Variants in AMACR observed in about 807,000 individuals in gnomAD.
AMACR encodes alpha-methylacyl-CoA racemase, also known as 2-methylacyl-CoA racemase.
A neutral mutation model predicts 22.2 loss-of-function variants in AMACR; 18 were observed. The ratio of observed to expected loss-of-function variants is 0.81; its 90% CI spans 0.56 to 1.20. The LOEUF (loss-of-function observed/expected upper bound fraction) is 1.20, where lower values mean the gene tolerates loss of function less well. Among genes scored for constraint, AMACR ranks in the 50% most tolerant of loss-of-function variants. The pLI is 0.00. For synonymous variants in AMACR, 213 were observed against 191.3 expected, an observed-to-expected ratio of 1.11 and a Z score of -0.94; for missense variants, 499 against 490.6, an observed-to-expected ratio of 1.02 and a Z score of -0.16.
At chr5:33,993,427 T>C (rs1753542798) in intron 4 of AMACR, among the ~76,000 whole-genome samples, 2 of 152,156 alleles carry the variant, frequency 1.3e-5, no homozygotes, top group Non-Finnish European at 1.5e-5. Flanking sequence ...TCCAATTCTT[T>C]TGGTTATATA....
Position 34,007,801 on chromosome 5 carries a change from C to G in AMACR, c.219G>C (p.Ser73=). The change falls in exon 1 of 5, where the codon TCG becomes TCC. Residue 73 remains serine, a synonymous_variant. Coordinates refer to ENST00000335606, the MANE Select transcript of AMACR (RefSeq NM_014324.6). ...GGCGGAAGGGCTCCAGCAGCACATC[C>G]GACCGCTTGCACAGACGCCGCAGCA... The part of the protein sequence containing the change: ...AAVLRRLCKR[S]DVLLEPFRRG... The G allele has an allele frequency of 3.8e-6, 6 of 1,571,788 alleles. No homozygotes were observed. The highest frequency in any genetic ancestry group is 3.4e-6 in the Non-Finnish European group (4 of 1,163,696).
chr5:33,988,249 T>C lies in AMACR; in HGVS notation c.*844A>G. The stretch of plus-strand genomic sequence containing the variant: ...TGTCAAAGACAGGTATAAGAAAGGC[T>C]TGTAACTTAACTCAGTCCAAGGAGA... On this transcript the variant is annotated 3_prime_UTR_variant, in exon 5 of 5. Coordinates refer to ENST00000335606, the MANE Select transcript of AMACR (RefSeq NM_014324.6). The C allele has an allele frequency of 7.0e-7, 1 of 1,421,204 alleles. No homozygotes were observed. The allele number at this position is 1,421,204 out of a possible 1,614,324, so 88.0% of individuals were successfully genotyped here.
rs1286303388 is a variant in AMACR, at chr5:33,988,477, T to G, written c.*616A>C. 1.3e-6 allele frequency: 2 copies of G among 1,485,924 alleles called. No individual in the cohort carries two copies. The highest frequency in any genetic ancestry group is 4.6e-5 in the Admixed American group (2 of 43,758). The allele number at this position is 1,485,924 out of a possible 1,614,324, so 92.0% of individuals were successfully genotyped here. ...CCTAAAACTGACTGTCCCTCTGGACTCTACGTAGTGAGCCAACACATTTCC... is the reference window on the plus strand; with the variant it reads ...CCTAAAACTGACTGTCCCTCTGGACGCTACGTAGTGAGCCAACACATTTCC... On this transcript the variant is annotated 3_prime_UTR_variant, in exon 5 of 5. Transcript: ENST00000335606.
chr5:34,005,672 C>T, intron 2 of AMACR, 84 bp downstream of exon 2: 1 of 1,522,318 alleles, frequency 6.6e-7, no homozygotes, highest in Non-Finnish European at 8.9e-7. Flanking sequence ...AAATTTTTAC[C>T]TTTACAAATT....
At position 34,005,782 on chromosome 5, in the gene AMACR, T is replaced by G. The variant is rs1208442579; in HGVS notation, c.365A>C (p.His122Pro). Residue 122 changes from histidine (H) to proline (P), a missense_variant, in exon 2 of 5, where the codon CAC becomes CCC. His to Pro is a moderately conservative substitution (Grantham distance 77, BLOSUM62 -2). Transcript: ENST00000335606. ...TGACAAAGCCAAATAGTTGATATCG[T>G]GGCCAGCTAACCGGCAGAAGCTTCC... is the stretch of plus-strand genomic sequence containing the variant. ...QSGSFCRLAG[H>P]DINYLALSGV... 1 of 1,614,176 alleles carries G rather than the reference T, an allele frequency of 6.2e-7. No individual in the cohort carries two copies. The highest frequency in any genetic ancestry group is 8.5e-7 in the Non-Finnish European group (1 of 1,180,030).
chr5:33,999,419 T>G (rs186270423), intron 3 of AMACR, among the ~76,000 whole-genome samples: 2 of 152,238 alleles, frequency 1.3e-5, no homozygotes, highest in African/African-American at 4.8e-5. Context: ...GGCAGGTATG[T>G]GCATTTTCTG....
chr5:33,988,992 A>G lies in AMACR; in HGVS notation c.*101T>C. ...CTTTTCTTGATTAGAGTGGTAGGACACTGTAATACTGTTCCTCCATGTTTC... is the reference window on the plus strand; with the variant it reads ...CTTTTCTTGATTAGAGTGGTAGGACGCTGTAATACTGTTCCTCCATGTTTC... On this transcript the variant is annotated 3_prime_UTR_variant, in exon 5 of 5. Transcript: ENST00000335606. 2 of 1,564,594 alleles carry G rather than the reference A, an allele frequency of 1.3e-6. No homozygotes were observed. The highest frequency in any genetic ancestry group is 1.2e-5 in the South Asian group (1 of 85,156).
chr5:33,990,048 T>C (rs1753428328), intron 4 of AMACR, among the ~76,000 whole-genome samples: 1 of 152,140 alleles, frequency 6.6e-6, no homozygotes, highest in Admixed American at 6.5e-5. Flanking sequence ...GGCACGAGTA[T>C]ACTGCAAGCT....
At chr5:33,991,422 C>T (rs573921737) in intron 4 of AMACR, among the ~76,000 whole-genome samples, 1 of 152,270 alleles carries the variant, frequency 6.6e-6, no homozygotes, top group Non-Finnish European at 1.5e-5. Context: ...TGTATAAATA[C>T]AGTTATAGAT....
intron 4 of AMACR, among the ~76,000 whole-genome samples, chr5:33,991,032 G>A (rs932897982): frequency 6.6e-6 from 1 of 151,654 alleles, no homozygotes; most frequent in African/African-American, 2.4e-5. Context: ...CACATAAAAT[G>A]AGCATTGAGC....
rs763403225 is a variant in AMACR, at chr5:34,005,795, G to T, written c.352C>A (p.Arg118=). 16 of 1,613,984 alleles carry T rather than the reference G, an allele frequency of 9.9e-6. No homozygotes were observed. In the South Asian group the frequency reaches 1.6e-4, roughly 17 times the overall value. ...SGFGQSGSFC[R]LAGHDINYLA... is the part of the protein sequence containing the mutation. Reference sequence around the variant, plus strand: ...TAGTTGATATCGTGGCCAGCTAACCGGCAGAAGCTTCCTGACTGGCCAAAT... The same window carrying T: ...TAGTTGATATCGTGGCCAGCTAACCTGCAGAAGCTTCCTGACTGGCCAAAT... The change falls in exon 2 of 5, where the codon CGG becomes AGG. Residue 118 remains arginine (R), a synonymous_variant. Coordinates refer to ENST00000335606, the MANE Select transcript of AMACR (RefSeq NM_014324.6).
Position 33,988,760 on chromosome 5 carries a change from GTCT to G in AMACR, c.*330_*332del. 8.3e-7 allele frequency: 1 copy of G among 1,209,176 alleles called. No individual in the cohort carries two copies. Among genetic ancestry groups the G allele is most frequent in the Non-Finnish European group, 1.0e-6 (1 of 968,338 alleles). 74.9% of individuals were successfully genotyped at this position (1,209,176 alleles called of 1,614,324 possible). On this transcript the variant is annotated 3_prime_UTR_variant, in exon 5 of 5. Coordinates refer to ENST00000335606, the MANE Select transcript of AMACR (RefSeq NM_014324.6). ...AGAGTGTAAATAAATGTATATCGAT[GTCT>G]TCAAGAATATATCATTCCTTTTTCA... is the stretch of plus-strand genomic sequence containing the variant.
chr5:33,997,783 T>G (rs1753689259), intron 4 of AMACR: 1 of 478,066 alleles, frequency 2.1e-6, no homozygotes, highest in African/African-American at 1.9e-5. Context: ...AATCATAAAA[T>G]GCTCTCAGAT....
intron 3 of AMACR, among the ~76,000 whole-genome samples, chr5:34,002,318 T>C (rs1223278580): frequency 6.6e-6 from 1 of 152,368 alleles, no homozygotes; most frequent in African/African-American, 2.4e-5. Context: ...CTTCTAATCA[T>C]TATATAATTC....
chr5:33,999,386 T>C lies in AMACR; in HGVS notation c.553-559A>G, dbSNP rs181397359. 2.0e-5 allele frequency among the ~76,000 whole-genome samples: 3 copies of C among 152,202 alleles called. No homozygotes were observed. The East Asian group carries it at 5.8e-4, about 29-fold the overall frequency. On this transcript the variant is annotated intron_variant, in intron 3 of 4. Coordinates refer to ENST00000335606, the MANE Select transcript of AMACR (RefSeq NM_014324.6). The stretch of plus-strand genomic sequence containing the variant: ...GTATTTCATAATCACTAGAAAGTTA[T>C]AAAATAAACTAACAATATGGATGGC...
At chr5:33,991,737 T>TATTATTATC (rs1163688463) in intron 4 of AMACR, among the ~76,000 whole-genome samples, 1 of 149,588 alleles carries the variant, frequency 6.7e-6, no homozygotes, top group Non-Finnish European at 1.5e-5. Context: ...TTATTATTAT[T>TATTATTATC]ATTATTATTA....
Position 33,987,578 on chromosome 5 carries a change from A to T in AMACR, c.*1515T>A, listed in dbSNP as rs191833429. On this transcript the variant is annotated 3_prime_UTR_variant, in exon 5 of 5. Coordinates refer to ENST00000335606, the MANE Select transcript of AMACR (RefSeq NM_014324.6). ...TCTTTCAACATAAGATTGCACTATA[A>T]TCCTTCTGATAATTTCATATTTTTG... is the stretch of plus-strand genomic sequence containing the variant. The T allele has an allele frequency of 3.0e-4, 46 of 152,326 alleles. No homozygotes were observed. The highest frequency in any genetic ancestry group is 2.9e-3 in the Admixed American group (44 of 15,306). The allele number at this position is 152,326 out of a possible 1,614,324, so 9.4% of individuals were successfully genotyped here.
chr5:33,987,062 G>C lies in AMACR; in HGVS notation c.*2031C>G, dbSNP rs1304565388. 2 of 151,878 alleles carry C rather than the reference G, an allele frequency of 1.3e-5. No individual in the cohort carries two copies. Among genetic ancestry groups the C allele is most frequent in the Non-Finnish European group, 2.9e-5 (2 of 68,012 alleles). The allele number at this position is 151,878 out of a possible 1,614,324, so 9.4% of individuals were successfully genotyped here. ...AGACAGGTTCTTGTTCTGTTGCCTG[G>C]GCTAGAGTGCAGTGGTGCAATCCTA... On this transcript the variant is annotated 3_prime_UTR_variant, in exon 5 of 5. Coordinates refer to ENST00000335606, the MANE Select transcript of AMACR (RefSeq NM_014324.6).
At chr5:33,996,444 A>C (rs1753638061) in intron 4 of AMACR, among the ~76,000 whole-genome samples, 1 of 152,194 alleles carries the variant, frequency 6.6e-6, no homozygotes, top group African/African-American at 2.4e-5. Context: ...ACAAGCAAGA[A>C]GTTAAGGCAT....
Sources: allele counts gnomAD v4.1 joint callset (sites outside exome capture counted in the v4.1 genomes callset), GRCh38; gene constraint gnomAD v4.1.1; transcripts MANE v1.5; gene names NCBI Gene and HGNC (gene_info 2026-07-23, HGNC 2026-07-21).